Variants in ZBTB40 observed in about 807,000 individuals in gnomAD.
The protein encoded by ZBTB40 is zinc finger and BTB domain containing 40.
Under a neutral mutation model 117.5 loss-of-function variants are expected in ZBTB40, and 60 were observed. That is an observed-to-expected ratio of 0.51 (90% CI 0.41 to 0.63). ZBTB40 has a LOEUF of 0.63. Ranked by LOEUF, ZBTB40 falls within the 30% of genes least tolerant of loss-of-function variation. The pLI, the probability that ZBTB40 is intolerant of heterozygous loss-of-function variation, is 0.00. For synonymous variants in ZBTB40, 525 were observed against 577.1 expected (o/e 0.91, Z 1.29); for missense variants, 1,287 against 1,498.5 (o/e 0.86, Z 2.33).
At chr1:22,521,779 T>C (rs1165417068) in intron 15 of ZBTB40, 121 bp downstream of exon 15, 1 of 1,436,338 alleles carries the variant, frequency 7.0e-7, no homozygotes, top group African/African-American at 1.4e-5. Flanking sequence ...TTGCCTTTGT[T>C]CTGCCCCAGC....
rs1557488407 is a variant in ZBTB40 at position 22,468,460 on chromosome 1, G to GT, written c.-70+16459dup. On this transcript the variant is annotated intron_variant, in intron 1 of 17. Coordinates refer to ENST00000375647, the MANE Select transcript of ZBTB40 (RefSeq NM_014870.4). ...TCTTTTTAAAATTTAAAATGTTAAT[G>GT]TTTCCTTTTTTTTTTTTTTTTTTTT... Among the ~76,000 whole-genome samples the GT allele has an allele frequency of 2.1e-4, 19 of 88,774 alleles. 1 individual carries two copies. The highest frequency in any genetic ancestry group is 6.9e-4 in the East Asian group (2 of 2,888). The allele number at this position is 88,774 out of a possible 152,430, so 58.2% of individuals were successfully genotyped here.
chr1:22,467,987 G>A (rs1321964286), intron 1 of ZBTB40, among the ~76,000 whole-genome samples: 1 of 151,622 alleles, frequency 6.6e-6, no homozygotes, highest in African/African-American at 2.4e-5. Context: ...TACCTGAGAG[G>A]CTGATGCGGG....
chr1:22,511,095 T>A, intron 9 of ZBTB40, 84 bp from the exon 10 acceptor site: 1 of 306,922 alleles, frequency 3.3e-6, no homozygotes. Context: ...GGGATTAGCT[T>A]TTTTTTTTTT....
Position 22,526,530 on chromosome 1 carries a change from C to G in ZBTB40, c.*134C>G. The G allele has an allele frequency of 8.6e-7, 1 of 1,156,076 alleles. No homozygotes were observed. The highest frequency in any genetic ancestry group is 2.5e-5 in the East Asian group (1 of 39,898). The allele number at this position is 1,156,076 out of a possible 1,614,324, so 71.6% of individuals were successfully genotyped here. A position where few individuals can be genotyped will look rare whatever the true frequency, so the allele number is the denominator to read the frequency against. On this transcript the variant is annotated 3_prime_UTR_variant, in exon 18 of 18. Transcript: ENST00000375647. ...TTAGCACCAACCAACACAGTCTCACCTAGAAAACAGATGGAAGCTTCGTTG... is the reference window on the plus strand; with the variant it reads ...TTAGCACCAACCAACACAGTCTCACGTAGAAAACAGATGGAAGCTTCGTTG...
chr1:22,514,848 A>T (rs1639334972), intron 12 of ZBTB40, among the ~76,000 whole-genome samples: 1 of 152,214 alleles, frequency 6.6e-6, no homozygotes, highest in Non-Finnish European at 1.5e-5. Flanking sequence ...ACTTGGCAAT[A>T]GTAGGCCTTC....
intron 6 of ZBTB40, 138 bp from the exon 7 acceptor site, chr1:22,507,863 G>T (rs1639113735): frequency 1.6e-6 from 2 of 1,244,488 alleles, no homozygotes; most frequent in Non-Finnish European, 2.3e-6. Flanking sequence ...TGTGTATGAG[G>T]CCCCAAGCCA....
rs184652391 is a variant in ZBTB40, at chr1:22,473,770, G to A, written c.-69-16110G>A. ...CTTAATGGCTTGTAAGCTCTTAGAA[G>A]GGAGAAATTATCTGCAAAAGTGGTA... On this transcript the variant is annotated intron_variant, in intron 1 of 17. Transcript: ENST00000375647. Among the ~76,000 whole-genome samples the A allele has an allele frequency of 1.7e-3, 261 of 152,234 alleles. 1 individual carries two copies. The highest frequency in any genetic ancestry group is 3.3e-3 in the South Asian group (16 of 4,816).
intron 13 of ZBTB40, 126 bp downstream of exon 13, chr1:22,517,590 C>T (rs559539281): frequency 3.8e-4 from 434 of 1,153,516 alleles, no homozygotes; most frequent in Non-Finnish European, 2.6e-4. Context: ...TTACCTGTTC[C>T]GCTGCAAAAC....
At chr1:22,489,001 C>A (rs983179287) in intron 1 of ZBTB40, among the ~76,000 whole-genome samples, 1 of 152,112 alleles carries the variant, frequency 6.6e-6, no homozygotes, top group Non-Finnish European at 1.5e-5. Flanking sequence ...TGAGAAAAAG[C>A]AAAAGTCAAG....
chr1:22,458,274 C>T (rs1641048334), intron 1 of ZBTB40, among the ~76,000 whole-genome samples: 1 of 152,206 alleles, frequency 6.6e-6, no homozygotes, highest in African/African-American at 2.4e-5. Flanking sequence ...TGCTTTAAAA[C>T]TCTTGGATGG....
At chr1:22,453,508 A>G (rs746099661) in intron 1 of ZBTB40, among the ~76,000 whole-genome samples, 1 of 152,226 alleles carries the variant, frequency 6.6e-6, no homozygotes. Flanking sequence ...GACAAAGATA[A>G]TTTCAAATAC....
In ZBTB40 at chr1:22,512,021, A is replaced by G. The variant is rs761238124; in HGVS notation, c.2348A>G (p.Lys783Arg). ...ETKDSKKELD[K>R]HQLEAHGAGG... ...AAGGATTCAAAGAAAGAGCTGGACA[A>G]ACATCAGCTGGAGGCCCATGGTGCA... Residue 783 changes from lysine (K) to arginine (R), a missense_variant, in exon 11 of 18, where the codon AAA (lysine) becomes AGA (arginine). Lys to Arg is a conservative substitution (Grantham distance 26). This residue lies in a region of ZBTB40 where 870 missense variants were observed against 934.4 expected (regional missense o/e 0.93). Coordinates refer to ENST00000375647, the MANE Select transcript of ZBTB40 (RefSeq NM_014870.4). 2.5e-6 allele frequency: 4 copies of G among 1,614,208 alleles called. No homozygotes were observed. The highest frequency in any genetic ancestry group is 1.1e-5 in the South Asian group (1 of 91,082).
At chr1:22,519,641 T>A (rs1639466515) in intron 13 of ZBTB40, 1 of 274,304 alleles carries the variant, frequency 3.6e-6, no homozygotes, top group African/African-American at 2.2e-5. Flanking sequence ...CTTGTGCTGT[T>A]GATGACAAAG....
chr1:22,524,570 T>C, intron 17 of ZBTB40, 126 bp downstream of exon 17: 1 of 1,134,618 alleles, frequency 8.8e-7, no homozygotes, highest in South Asian at 1.4e-5. Context: ...TCTCTGGACT[T>C]CTTACAAAAC....
intron 1 of ZBTB40, among the ~76,000 whole-genome samples, chr1:22,470,740 C>T (rs1028952153): frequency 5.3e-5 from 8 of 152,160 alleles, no homozygotes; most frequent in African/African-American, 1.9e-4. Context: ...CTAGGAACCC[C>T]GTAATAGACG....
intron 1 of ZBTB40, among the ~76,000 whole-genome samples, chr1:22,480,107 G>C (rs984567501): frequency 4.6e-5 from 7 of 152,086 alleles, no homozygotes; most frequent in Non-Finnish European, 1.0e-4. Flanking sequence ...GTGTTTCGCC[G>C]TGTTGGCTGG....
rs764340109 is a variant in ZBTB40, at chr1:22,524,439, G to A, written c.3520G>A (p.Ala1174Thr). The A allele has an allele frequency of 1.1e-5, 17 of 1,613,446 alleles. No individual in the cohort carries two copies. The East Asian group carries it at 3.3e-4, about 32-fold the overall frequency. ...AACCCAGGCCGCAGCCTCACAGATG[G>A]CGCAGGTGATTCTGGGGCCATCAGC... ...TETQAAASQM[A>T]QVIQTPEPVA... Residue 1174 changes from alanine (A) to threonine (T), a missense_variant, in exon 17 of 18, where the codon GCG (alanine) becomes ACG (threonine). Transcript: ENST00000375647.
intron 3 of ZBTB40, among the ~76,000 whole-genome samples, chr1:22,492,132 G>T (rs777994466): frequency 3.3e-5 from 5 of 152,168 alleles, no homozygotes; most frequent in Non-Finnish European, 7.4e-5. Flanking sequence ...CTGTCTCAAA[G>T]AGGTGGTGTA....
chr1:22,482,116 G>T, intron 1 of ZBTB40, among the ~76,000 whole-genome samples: 1 of 151,882 alleles, frequency 6.6e-6, no homozygotes, highest in East Asian at 1.9e-4. Context: ...AAATATATGT[G>T]CATTTTTATA....
Sources: gnomAD v4.1 joint callset for allele counts (sites outside exome capture counted in the v4.1 genomes callset) on GRCh38, gnomAD v4.1.1 for gene constraint, gnomAD v4.1.1 regional missense constraint, MANE v1.5 for transcripts, NCBI Gene and HGNC (gene_info 2026-07-23, HGNC 2026-07-21) for gene names.